The following NAA35 variants were observed in gnomAD, a reference collection of about 807,000 sequenced individuals.
NAA35 encodes the protein MAK10 homolog, amino-acid N-acetyltransferase subunit.
In NAA35, 18 loss-of-function variants were observed where a neutral mutation model predicts 101.7. The ratio of observed to expected loss-of-function variants is 0.18; its 90% confidence interval spans 0.12 to 0.26. The LOEUF is 0.26. NAA35 is among the 10% of genes least tolerant of loss of function. The probability of loss-of-function intolerance (pLI) is 1.00; values close to 1 mark genes in which losing one functional copy is unlikely to be tolerated. For missense variants in NAA35, 601 were observed against 886.8 expected (o/e 0.68, Z 4.09); for synonymous variants, 267 against 273.1 (o/e 0.98, Z 0.22).
At chr9:86,015,792 C>G in intron 17 of NAA35, 1 of 979,976 alleles carries the variant, frequency 1.0e-6, no homozygotes, top group Non-Finnish European at 1.2e-6. Context: ...GTTAGATAAA[C>G]AGAAGGTAGA....
At chr9:86,018,596 G>A (rs1212905151) in intron 20 of NAA35, 103 bp from the exon 21 acceptor site, 2 of 1,461,218 alleles carry the variant, frequency 1.4e-6, no homozygotes, top group East Asian at 2.3e-5. Flanking sequence ...CAGTGTCTGT[G>A]TATGAGTGGA....
chr9:86,018,243 T>G lies in NAA35; in HGVS notation c.1774-12T>G, dbSNP rs762064634. On this transcript the variant is annotated splice_polypyrimidine_tract_variant and intron_variant, in intron 19 of 22. Transcript: ENST00000361671. The stretch of plus-strand genomic sequence containing the variant: ...TGATTTCATCTTTTTTCTTATTCCC[T>G]TTTTCATTTAGACCATGGTAGCATT... 1.0e-5 allele frequency: 16 copies of G among 1,598,948 alleles called. No homozygotes were observed. The highest frequency in any genetic ancestry group is 1.4e-5 in the Non-Finnish European group (16 of 1,169,352).
chr9:85,944,451 G>T (rs1375428664), intron 2 of NAA35, among the ~76,000 whole-genome samples: 4 of 152,208 alleles, frequency 2.6e-5, no homozygotes, highest in Non-Finnish European at 5.9e-5. Context: ...AGATTTGGGC[G>T]TTAAGGCCTT....
At chr9:85,954,792 A>G (rs1005584033) in intron 2 of NAA35, among the ~76,000 whole-genome samples, 2 of 152,088 alleles carry the variant, frequency 1.3e-5, no homozygotes, top group African/African-American at 2.4e-5. Flanking sequence ...CACAATAAAA[A>G]AAGACAACGA....
At chr9:86,006,861 A>G (rs755282628) in intron 13 of NAA35, among the ~76,000 whole-genome samples, 9 of 152,224 alleles carry the variant, frequency 5.9e-5, no homozygotes, top group Non-Finnish European at 1.3e-4. Context: ...AAATACTAAA[A>G]TACAGTGGAT....
intron 2 of NAA35, among the ~76,000 whole-genome samples, chr9:85,945,123 C>T (rs1828702396): frequency 6.6e-6 from 1 of 152,050 alleles, no homozygotes; most frequent in African/African-American, 2.4e-5. Flanking sequence ...GTGAAGGAAC[C>T]TTGAGTGGGA....
intron 17 of NAA35, among the ~76,000 whole-genome samples, chr9:86,016,281 A>G (rs537914308): frequency 1.3e-5 from 2 of 152,332 alleles, no homozygotes; most frequent in East Asian, 3.9e-4. Flanking sequence ...TTCTGATATA[A>G]TAAAAACTTA....
At chr9:85,955,395 C>T (rs1320630009) in intron 2 of NAA35, among the ~76,000 whole-genome samples, 10 of 118,010 alleles carry the variant, frequency 8.5e-5, no homozygotes, top group Non-Finnish European at 1.5e-4. Context: ...CAGAGTCTCG[C>T]TCTGTTGCCC....
At chr9:85,968,840 A>C (rs1829873501) in intron 6 of NAA35, among the ~76,000 whole-genome samples, 1 of 152,140 alleles carries the variant, frequency 6.6e-6, no homozygotes, top group South Asian at 2.1e-4. Context: ...TGATTGTATA[A>C]ATATTAATGA....
intron 11 of NAA35, among the ~76,000 whole-genome samples, chr9:85,982,714 T>C (rs1830484359): frequency 6.6e-6 from 1 of 152,218 alleles, no homozygotes; most frequent in Non-Finnish European, 1.5e-5. Flanking sequence ...AAAAGATACC[T>C]GAATAAACTT....
intron 16 of NAA35, among the ~76,000 whole-genome samples, chr9:86,013,494 C>T (rs1020933784): frequency 6.6e-6 from 1 of 152,048 alleles, no homozygotes; most frequent in South Asian, 2.1e-4. Context: ...GTATTTTTGT[C>T]CTTTAAAATT....
intron 11 of NAA35, among the ~76,000 whole-genome samples, chr9:85,994,478 A>C (rs1831072513): frequency 6.6e-6 from 1 of 152,266 alleles, no homozygotes. Context: ...AGGAGTGCAG[A>C]ATAACATAAC....
chr9:86,015,484 A>G (rs1361717250), intron 17 of NAA35: 1 of 152,370 alleles, frequency 6.6e-6, no homozygotes, highest in African/African-American at 2.4e-5. Flanking sequence ...TTTAACATGC[A>G]TCATAATCAC....
intron 12 of NAA35, among the ~76,000 whole-genome samples, 153 bp downstream of exon 12, chr9:85,996,730 A>G (rs1215746386): frequency 6.6e-6 from 1 of 152,162 alleles, no homozygotes; most frequent in South Asian, 2.1e-4. Flanking sequence ...CTCTTTGTCT[A>G]TTTTCTGTGA....
intron 2 of NAA35, among the ~76,000 whole-genome samples, chr9:85,948,849 C>G (rs1828879851): frequency 6.6e-6 from 1 of 152,026 alleles, no homozygotes; most frequent in Admixed American, 6.6e-5. Context: ...CCTCCATCTC[C>G]CGGGTTCAGG....
At chr9:85,970,772 A>T (rs1051989522) in intron 6 of NAA35, among the ~76,000 whole-genome samples, 3 of 152,238 alleles carry the variant, frequency 2.0e-5, no homozygotes, top group Non-Finnish European at 2.9e-5. Context: ...TCCAGATTAA[A>T]GGAGGTTAGA....
chr9:85,959,794 A>G lies in NAA35; in HGVS notation c.275A>G (p.Asp92Gly), dbSNP rs532785405. 3.7e-6 allele frequency: 6 copies of G among 1,605,376 alleles called. No individual in the cohort carries two copies. The East Asian group carries it at 1.3e-4, about 36-fold the overall frequency. The change falls in exon 5 of 23, where the codon GAT becomes GGT. Residue 92 changes from aspartate to glycine, a missense_variant and splice_region_variant. Physicochemically the swap from Asp to Gly is moderately conservative, Grantham distance 94. Transcript: ENST00000361671. ...KVLNFEQAIK[D>G]GTIKIKDLTL... ...TGTCACATTCTTCCTCCTTTTTAGG[A>G]TGGCACTATTAAAATTAAAGATCTC... is the stretch of plus-strand genomic sequence containing the variant.
chr9:86,008,958 C>G (rs1201713977), intron 14 of NAA35, among the ~76,000 whole-genome samples: 3 of 152,148 alleles, frequency 2.0e-5, no homozygotes, highest in African/African-American at 4.8e-5. Flanking sequence ...GCTTCACCTT[C>G]ATCTGTTTTG....
Position 86,021,998 on chromosome 9 carries a change from TC to T in NAA35, c.*39del. On this transcript the variant is annotated 3_prime_UTR_variant, in exon 23 of 23. Coordinates refer to ENST00000361671, the MANE Select transcript of NAA35 (RefSeq NM_024635.4). ...AGGTGGCCATAAAGGGGCAGAGTCTTCTTTCAGACCCAACTCTTAGAGGGCA... is the reference window on the plus strand; with the variant it reads ...AGGTGGCCATAAAGGGGCAGAGTCTTTTTCAGACCCAACTCTTAGAGGGCA... 1 of 1,532,768 alleles carries T rather than the reference TC, an allele frequency of 6.5e-7. No homozygotes were observed. The allele number at this position is 1,532,768 out of a possible 1,614,324, so 94.9% of individuals were successfully genotyped here.
Sources: allele counts gnomAD v4.1 joint callset (sites outside exome capture counted in the v4.1 genomes callset), GRCh38; gene constraint gnomAD v4.1.1; transcripts MANE v1.5; gene names NCBI Gene and HGNC (gene_info 2026-07-23, HGNC 2026-07-21).